HOOK3: variants seen among roughly 807,000 people sequenced by gnomAD.
HOOK3 encodes the protein protein Hook homolog 3.
HOOK3 carries 24 observed loss-of-function variants against 116.3 expected under a neutral mutation model. That is an observed-to-expected ratio of 0.21 (90% CI 0.15 to 0.29). HOOK3 has a LOEUF of 0.29. Ranked by LOEUF, HOOK3 falls within the 10% of genes least tolerant of loss-of-function variation. The pLI is 1.00. For missense variants in HOOK3, 632 were observed against 830.2 expected (o/e 0.76, Z 2.93); for synonymous variants, 275 against 283.0 (o/e 0.97, Z 0.28).
In HOOK3 at chr8:42,918,986, C is replaced by T. The variant is rs187756192; in HGVS notation, c.144-6571C>T. 4.5e-3 allele frequency among the ~76,000 whole-genome samples: 675 copies of T among 151,402 alleles called. 23 individuals carry two copies. In the East Asian group the frequency reaches 0.057, roughly 13 times the overall value. On this transcript the variant is annotated intron_variant, in intron 2 of 21. Coordinates refer to ENST00000307602, the MANE Select transcript of HOOK3 (RefSeq NM_032410.4). The stretch of plus-strand genomic sequence containing the variant: ...GCAGAGGGGCTCCTCACTTCCCAGA[C>T]GGGGCGGCCGGGCAGAGGCGCCCCC...
At chr8:42,917,260 G>A (rs542898857) in intron 2 of HOOK3, among the ~76,000 whole-genome samples, 5 of 152,330 alleles carry the variant, frequency 3.3e-5, no homozygotes, top group East Asian at 1.9e-4. Flanking sequence ...CACTGAGCGC[G>A]TTGAGGTGAT....
intron 2 of HOOK3, among the ~76,000 whole-genome samples, chr8:42,923,061 C>CT (rs905748222): frequency 4.6e-5 from 7 of 152,048 alleles, no homozygotes; most frequent in Non-Finnish European, 7.4e-5. Flanking sequence ...TTTGAATAGG[C>CT]TTTTTTCCCA....
chr8:42,974,879 G>A (rs528422266), intron 13 of HOOK3, among the ~76,000 whole-genome samples: 102 of 152,282 alleles, frequency 6.7e-4, no homozygotes, highest in African/African-American at 1.9e-3. Flanking sequence ...CCTCTAAGCC[G>A]TGGGTAAAAC....
At chr8:42,939,669 G>A (rs1430699700) in intron 4 of HOOK3, among the ~76,000 whole-genome samples, 3 of 149,270 alleles carry the variant, frequency 2.0e-5, no homozygotes, top group Non-Finnish European at 3.0e-5. Flanking sequence ...GGGCAGAGAC[G>A]CTCCTCACTC....
intron 20 of HOOK3, 68 bp downstream of exon 20, chr8:43,013,223 T>C (rs778944513): frequency 3.2e-5 from 46 of 1,428,908 alleles, no homozygotes; most frequent in Admixed American, 4.1e-5. Context: ...CCTTGTTATA[T>C]TTTACAATTG....
intron 2 of HOOK3, among the ~76,000 whole-genome samples, chr8:42,912,780 T>C (rs1338280647): frequency 6.6e-6 from 1 of 152,250 alleles, no homozygotes; most frequent in African/African-American, 2.4e-5. Flanking sequence ...AGGCCGTCGT[T>C]AACGTTAGTG....
At chr8:42,950,296 A>T in intron 5 of HOOK3, 92 bp from the exon 6 acceptor site, 1 of 818,302 alleles carries the variant, frequency 1.2e-6, no homozygotes, top group Non-Finnish European at 2.1e-6. Flanking sequence ...AACACAGGGA[A>T]ATGACTTATA....
chr8:43,026,877 TTTTTTC>T lies in HOOK3; in HGVS notation c.*8385_*8390del. 1 of 198,100 alleles carries T rather than the reference TTTTTTC, an allele frequency of 5.0e-6. No individual in the cohort carries two copies. The highest frequency in any genetic ancestry group is 1.0e-5 in the Non-Finnish European group (1 of 95,726). 12.3% of individuals were successfully genotyped at this position (198,100 alleles called of 1,614,324 possible). On this transcript the variant is annotated 3_prime_UTR_variant, in exon 22 of 22. Coordinates refer to ENST00000307602, the MANE Select transcript of HOOK3 (RefSeq NM_032410.4). Reference sequence around the variant, plus strand: ...AGGTTTTATGAACTCAGCTGTTTTCTTTTTTCTTTTTTTTTCTTTTGAGATGGAGTC... The same window carrying T: ...AGGTTTTATGAACTCAGCTGTTTTCTTTTTTTTTTCTTTTGAGATGGAGTC...
chr8:43,005,464 C>T (rs371423335), intron 17 of HOOK3, among the ~76,000 whole-genome samples: 14 of 151,656 alleles, frequency 9.2e-5, no homozygotes, highest in Middle Eastern at 3.4e-3. Context: ...CCTCGTGATC[C>T]GCCTGCCTCG....
Position 42,930,108 on chromosome 8 carries a change from C to T in HOOK3, c.217-14C>T. 6.4e-7 allele frequency: 1 copy of T among 1,551,226 alleles called. No individual in the cohort carries two copies. Among genetic ancestry groups the T allele is most frequent in the East Asian group, 2.3e-5 (1 of 43,014 alleles). On this transcript the variant is annotated splice_polypyrimidine_tract_variant and intron_variant, in intron 3 of 21. Coordinates refer to ENST00000307602, the MANE Select transcript of HOOK3 (RefSeq NM_032410.4). The stretch of plus-strand genomic sequence containing the variant: ...CTTGCCTTTTACCCAGTTGTTTTCT[C>T]TCTCTTTAAACAGATAAGCAATTTA...
intron 21 of HOOK3, among the ~76,000 whole-genome samples, chr8:43,015,907 A>G (rs1279018718): frequency 6.6e-6 from 1 of 151,232 alleles, no homozygotes; most frequent in Non-Finnish European, 1.5e-5. Flanking sequence ...TAGTAGAGAC[A>G]GGGTTTCACC....
rs1449561738 is a variant in HOOK3, at chr8:42,923,673, G to A, written c.144-1884G>A. 2.0e-5 allele frequency among the ~76,000 whole-genome samples: 3 copies of A among 152,278 alleles called. No individual in the cohort carries two copies. In the Middle Eastern group the frequency reaches 0.01, roughly 518 times the overall value. On this transcript the variant is annotated intron_variant, in intron 2 of 21. Transcript: ENST00000307602. ...CAGGGGCTGGAGAGAAGAGGAAACA[G>A]GAGTGATGGCTAATGGAGATAGGGT...
Position 43,010,399 on chromosome 8 carries a change from C to A in HOOK3, c.1833C>A (p.Ala611=). Residue 611 remains alanine (A), a synonymous_variant, in exon 19 of 22, where the codon GCC becomes GCA. Transcript: ENST00000307602. ...GATACAAAAAATACTTAGAGAAAGC[C>A]AAAAGTGTAAGTATGAATTTTGTAG... ...EERYKKYLEK[A]KSVIRTLDPK... 1 of 1,369,780 alleles carries A rather than the reference C, an allele frequency of 7.3e-7. No homozygotes were observed. Among genetic ancestry groups the A allele is most frequent in the Non-Finnish European group, 9.9e-7 (1 of 1,015,104 alleles). The allele number at this position is 1,369,780 out of a possible 1,614,324, so 84.9% of individuals were successfully genotyped here.
rs1809902524 is a variant in HOOK3, at chr8:43,024,806, A to G, written c.*6308A>G. ...CCTAAAAAACATAACATAATATGCT[A>G]ACAGAGCTAATTTCCACCCAATCCC... On this transcript the variant is annotated 3_prime_UTR_variant, in exon 22 of 22. Coordinates refer to ENST00000307602, the MANE Select transcript of HOOK3 (RefSeq NM_032410.4). 9.8e-6 allele frequency: 2 copies of G among 204,820 alleles called. No individual in the cohort carries two copies. The highest frequency in any genetic ancestry group is 7.4e-5 in the East Asian group (1 of 13,446). 12.7% of individuals were successfully genotyped at this position (204,820 alleles called of 1,614,324 possible).
intron 6 of HOOK3, 109 bp downstream of exon 6, chr8:42,950,564 T>C (rs1164429708): frequency 1.6e-6 from 1 of 618,480 alleles, no homozygotes; most frequent in Non-Finnish European, 2.8e-6. Context: ...TTTAAAGAGT[T>C]TTTACTTTGC....
intron 11 of HOOK3, among the ~76,000 whole-genome samples, chr8:42,972,453 C>G (rs986444547): frequency 1.3e-5 from 2 of 151,962 alleles, no homozygotes; most frequent in African/African-American, 2.4e-5. Context: ...ACTCTGTTTC[C>G]TAGGCTGGAG....
intron 4 of HOOK3, among the ~76,000 whole-genome samples, chr8:42,935,164 A>G (rs1272699371): frequency 6.6e-6 from 1 of 151,602 alleles, no homozygotes; most frequent in Non-Finnish European, 1.5e-5. Context: ...TTTTTTTCAT[A>G]TGTTTATTGG....
At chr8:42,960,327 G>C (rs921575521) in intron 8 of HOOK3, among the ~76,000 whole-genome samples, 9 of 152,142 alleles carry the variant, frequency 5.9e-5, no homozygotes, top group Non-Finnish European at 1.5e-5. Flanking sequence ...CTTTACACCA[G>C]AACAGTTTGC....
chr8:43,002,839 A>G (rs1809405764), intron 17 of HOOK3, among the ~76,000 whole-genome samples: 1 of 152,198 alleles, frequency 6.6e-6, no homozygotes, highest in Non-Finnish European at 1.5e-5. Flanking sequence ...CAGCACACCC[A>G]GTCTAATCTT....
Sources: gnomAD v4.1 joint callset for allele counts (sites outside exome capture counted in the v4.1 genomes callset) on GRCh38, gnomAD v4.1.1 for gene constraint, MANE v1.5 for transcripts, NCBI Gene and HGNC (gene_info 2026-07-23, HGNC 2026-07-21) for gene names.